Variants in UXT observed in about 807,000 individuals in gnomAD.
The protein encoded by UXT is ubiquitously expressed prefoldin like chaperone.
For synonymous variants in UXT, 54 were observed against 52.8 expected (o/e 1.02, Z -0.10); for missense variants, 111 against 132.7 (o/e 0.84, Z 0.80).
chrX:47,656,055 G>C (rs1052264020), intron 4 of UXT, among the ~76,000 whole-genome samples: 1 of 111,544 alleles, frequency 9.0e-6, no homozygotes, highest in Non-Finnish European at 1.9e-5. Flanking sequence ...CCAAAAGATT[G>C]GACACTCCTG....
intron 1 of UXT, 95 bp downstream of exon 2, chrX:47,658,735 C>T: frequency 6.7e-6 from 7 of 1,046,922 alleles, no homozygotes; most frequent in Non-Finnish European, 8.7e-6. Flanking sequence ...CTCTGAACGC[C>T]TCGCCCGCCA....
rs768266970 is a variant in UXT, at chrX:47,654,015, T to C, written c.393-1871A>G. 2.3e-5 allele frequency: 15 copies of C among 664,010 alleles called. No individual in the cohort carries two copies. In the African/African-American group the frequency reaches 3.4e-4, roughly 15 times the overall value. 54.7% of individuals were successfully genotyped at this position (664,010 alleles called of 1,213,427 possible). A position where few individuals can be genotyped will look rare whatever the true frequency, so the allele number is the denominator to read the frequency against. On this transcript the variant is annotated intron_variant, in intron 4 of 5. Transcript: ENST00000335890. ...CAAAAAAGAGAACAAAATTAGTTAA[T>C]GGTGTAAGCTTACCTTATGAAAACC...
chrX:47,658,919 C>A lies in UXT; in HGVS notation c.45G>T (p.Thr15=). 1 of 1,195,991 alleles carries A rather than the reference C, an allele frequency of 8.4e-7. No individual in the cohort carries two copies. The highest frequency in any genetic ancestry group is 1.1e-6 in the Non-Finnish European group (1 of 885,867). ...CCTCCACCGCCCGCCGCTTAGGGGG[C>A]GTCGCCATGATGGGCTCCTGGGGAG... is the stretch of plus-strand genomic sequence containing the variant. Residue 15 remains threonine, a synonymous_variant, in exon 1 of 6, where the codon ACG becomes ACT. Transcript: ENST00000335890.
chrX:47,652,767 A>T (rs890112796), intron 4 of UXT, among the ~76,000 whole-genome samples: 3 of 106,348 alleles, frequency 2.8e-5, no homozygotes, highest in Non-Finnish European at 5.7e-5. Context: ...AGGGAGACAA[A>T]CTGTGTGAAG....
At chrX:47,655,838 G>A (rs763487183) in intron 4 of UXT, among the ~76,000 whole-genome samples, 90 of 112,132 alleles carry the variant, frequency 8.0e-4, no homozygotes, top group South Asian at 2.6e-3. Context: ...GCACAAAACC[G>A]TAAATCAAGC....
intron 4 of UXT, among the ~76,000 whole-genome samples, chrX:47,655,117 T>G (rs1263638275): frequency 8.9e-6 from 1 of 111,794 alleles, no homozygotes; most frequent in Admixed American, 9.5e-5. Context: ...CTGTCTCTAC[T>G]AAAAATACAA....
chrX:47,656,242 T>C (rs1036165216), intron 4 of UXT, among the ~76,000 whole-genome samples: 3 of 111,859 alleles, frequency 2.7e-5, no homozygotes, highest in Non-Finnish European at 3.8e-5. Flanking sequence ...AGCAAGGGGA[T>C]TGCTTGAGCC....
intron 4 of UXT, 135 bp from the exon 6 acceptor site, chrX:47,652,279 A>G: frequency 1.6e-6 from 1 of 618,605 alleles, no homozygotes. Flanking sequence ...CCAAGCCACC[A>G]TCTGGTTTTC....
At chrX:47,654,224 T>C (rs184194077) in intron 4 of UXT, 1 of 209,556 alleles carries the variant, frequency 4.8e-6, no homozygotes, top group African/African-American at 3.9e-5. Context: ...TTTTTTTTTT[T>C]GAGATGGAGT....
chrX:47,654,413 G>C, intron 4 of UXT, among the ~76,000 whole-genome samples: 1 of 110,196 alleles, frequency 9.1e-6, no homozygotes, highest in African/African-American at 3.3e-5. Context: ...TCACTATCTT[G>C]GACAGGCTGG....
At chrX:47,651,974 T>C (rs2058068674) in intron 5 of UXT, 79 bp from the exon 7 acceptor site, 1 of 1,178,800 alleles carries the variant, frequency 8.5e-7, no homozygotes, top group Admixed American at 2.2e-5. Flanking sequence ...CTCCCTCCCT[T>C]GACTCCAGTT....
At chrX:47,655,265 A>G (rs2058080226) in intron 4 of UXT, among the ~76,000 whole-genome samples, 2 of 112,270 alleles carry the variant, frequency 1.8e-5, no homozygotes, top group Non-Finnish European at 3.8e-5. Flanking sequence ...GGGCGACAAG[A>G]GCAAAATTCC....
At chrX:47,658,746 A>G (rs2058092478) in intron 1 of UXT, 84 bp downstream of exon 2, 1 of 1,062,044 alleles carries the variant, frequency 9.4e-7, no homozygotes, top group East Asian at 3.4e-5. Flanking sequence ...TCGCCCGCCA[A>G]TTCAAAGGGT....
chrX:47,651,945 C>G (rs769332492), intron 5 of UXT, 50 bp from the exon 7 acceptor site: 1 of 1,194,252 alleles, frequency 8.4e-7, no homozygotes, highest in South Asian at 1.8e-5. Context: ...CTGGGTTACG[C>G]CCCCAGGCTT....
chrX:47,651,959 C>G lies in UXT; in HGVS notation c.457-64G>C, dbSNP rs969364141. ...TCTGGGTTACGCCCCCAGGCTTGCT[C>G]TGACCTCCCTCCCTTGACTCCAGTT... On this transcript the variant is annotated intron_variant, in intron 5 of 5. Transcript: ENST00000335890. 37 of 1,184,495 alleles carry G rather than the reference C, an allele frequency of 3.1e-5. 2 individuals are homozygous for G. In the Admixed American group the frequency reaches 7.1e-4, roughly 23 times the overall value.
chrX:47,654,351 C>T (rs1320989087), intron 4 of UXT, among the ~76,000 whole-genome samples: 1 of 109,320 alleles, frequency 9.1e-6, no homozygotes, highest in Non-Finnish European at 1.9e-5. Context: ...GGATTACAGG[C>T]GCCTGCCACC....
rs1441605647 is a variant in UXT, at chrX:47,657,167, C to T, written c.392+16G>A. The T allele has an allele frequency of 1.7e-6, 2 of 1,164,370 alleles. No individual in the cohort carries two copies. Among genetic ancestry groups the T allele is most frequent in the Admixed American group, 4.6e-5 (2 of 43,475 alleles). On this transcript the variant is annotated intron_variant, in intron 4 of 5. Transcript: ENST00000335890. ...TGGTGGTGTTTTTACACACTATCCT[C>T]ATGGAATGGACTTACTCTGTGAGGA...
intron 4 of UXT, among the ~76,000 whole-genome samples, chrX:47,655,380 A>G (rs2058080600): frequency 8.9e-6 from 1 of 112,475 alleles, no homozygotes; most frequent in African/African-American, 3.2e-5. Context: ...TGGTCTGAAC[A>G]CCAAGAATCA....
At chrX:47,652,259 T>C (rs1159546233) in intron 4 of UXT, 115 bp from the exon 6 acceptor site, 2 of 705,296 alleles carry the variant, frequency 2.8e-6, no homozygotes, top group African/African-American at 2.1e-5. Flanking sequence ...CTCATTCCTA[T>C]GTGGAAATGC....
Sources: allele counts gnomAD v4.1 joint callset (sites outside exome capture counted in the v4.1 genomes callset), GRCh38; gene constraint gnomAD v4.1.1; transcripts MANE v1.5; gene names NCBI Gene and HGNC (gene_info 2026-07-23, HGNC 2026-07-21).